BEND2: variants seen among roughly 807,000 people sequenced by gnomAD.
BEND2 encodes BEN domain containing 2, also known as BEN domain-containing protein 2.
BEND2 carries 19 observed loss-of-function variants against 43.8 expected under a neutral mutation model. That is an observed-to-expected ratio of 0.43 (90% CI 0.30 to 0.64). BEND2 has a LOEUF of 0.64. Among genes scored for constraint, BEND2 ranks in the 30% least tolerant of loss-of-function variants. The pLI is 0.11. For missense variants in BEND2, 544 were observed against 574.0 expected (o/e 0.95, Z 0.53); for synonymous variants, 226 against 210.1 (o/e 1.08, Z -0.66).
intron 4 of BEND2, 140 bp downstream of exon 4, chrX:18,212,425 T>C: frequency 2.3e-6 from 1 of 442,929 alleles, no homozygotes; most frequent in South Asian, 3.8e-5. Context: ...TCATGGGGTG[T>C]AAGTATACAC....
rs377313223 is a variant in BEND2 at position 18,203,653 on chromosome X, T to C, written c.755A>G (p.Asn252Ser). ...ESTNAVISFANATTAVPMAVL... is the reference protein window; with the variant it reads ...ESTNAVISFASATTAVPMAVL... ...TGCCATAGGTACTGCTGTAGTAGCA[T>C]TGGCAAATGAGATGACAGCATTGGT... Residue 252 changes from asparagine to serine, a missense_variant, in exon 5 of 14, where the codon AAT becomes AGT. This residue lies in a region of BEND2 where 501 missense variants were observed against 501.6 expected (regional missense o/e 1.00). Coordinates refer to ENST00000380033, the MANE Select transcript of BEND2 (RefSeq NM_153346.5). The C allele has an allele frequency of 1.7e-5, 21 of 1,210,017 alleles. No homozygotes were observed. Among genetic ancestry groups the C allele is most frequent in the East Asian group, 8.9e-5 (3 of 33,784 alleles).
rs1923788254 is a variant in BEND2, at chrX:18,165,077, C to A, written c.2332G>T (p.Val778Leu). ...TCCTGCTCCAGCTCTGGAGGGGTCA[C>A]TGCTGGAAGCGACTGAGACCTGGCT... ...AEARSQSLPAVTPPELEQESK... is the reference protein window; with the variant it reads ...AEARSQSLPALTPPELEQESK... Residue 778 changes from valine to leucine, a missense_variant, in exon 14 of 14, where the codon GTG (valine) becomes TTG (leucine). Transcript: ENST00000380033. The A allele has an allele frequency of 8.3e-7, 1 of 1,208,319 alleles. No homozygotes were observed. Among genetic ancestry groups the A allele is most frequent in the African/African-American group, 1.8e-5 (1 of 57,007 alleles).
intron 4 of BEND2, 80 bp from the exon 5 acceptor site, chrX:18,203,995 T>C: frequency 2.1e-6 from 2 of 951,942 alleles, no homozygotes; most frequent in South Asian, 3.3e-5. Flanking sequence ...AGACATACAA[T>C]CAAAACTTTT....
intron 8 of BEND2, among the ~76,000 whole-genome samples, chrX:18,190,112 T>C (rs1418133082): frequency 9.1e-6 from 1 of 110,067 alleles, no homozygotes; most frequent in Non-Finnish European, 1.9e-5. Flanking sequence ...GAATCACTCA[T>C]ACACTGCTGA....
chrX:18,187,697 C>T (rs1192554154), intron 8 of BEND2, among the ~76,000 whole-genome samples: 1 of 111,918 alleles, frequency 8.9e-6, no homozygotes, highest in Non-Finnish European at 1.9e-5. Context: ...TGCAGCTGTT[C>T]TGCAAATACC....
intron 10 of BEND2, 81 bp downstream of exon 10, chrX:18,177,488 C>A: frequency 3.1e-6 from 3 of 973,608 alleles, no homozygotes; most frequent in South Asian, 2.1e-5. Context: ...TATTGTTATT[C>A]CTTCAACTGC....
intron 6 of BEND2, among the ~76,000 whole-genome samples, chrX:18,196,250 GA>G (rs1924947278): frequency 9.4e-6 from 1 of 105,903 alleles, no homozygotes; most frequent in Non-Finnish European, 1.9e-5. Flanking sequence ...AGTAAGCCCA[GA>G]TCACACCACT....
chrX:18,176,815 AC>A (rs1924176628), intron 10 of BEND2, among the ~76,000 whole-genome samples: 1 of 111,482 alleles, frequency 9.0e-6, no homozygotes, highest in East Asian at 2.8e-4. Context: ...ACATGATTAC[AC>A]CAGGGGCTCA....
At chrX:18,208,404 T>C (rs969452871) in intron 4 of BEND2, among the ~76,000 whole-genome samples, 1 of 110,119 alleles carries the variant, frequency 9.1e-6, no homozygotes, top group Admixed American at 9.8e-5. Flanking sequence ...GGCTGAGGCT[T>C]GAATCCAGGA....
At chrX:18,212,484 T>C in intron 4 of BEND2, 81 bp downstream of exon 4, 1 of 710,877 alleles carries the variant, frequency 1.4e-6, no homozygotes, top group Non-Finnish European at 2.1e-6. Context: ...GAAATTCAAC[T>C]CCATTTTTTA....
intron 7 of BEND2, 68 bp from the exon 8 acceptor site, chrX:18,191,176 GT>G: frequency 1.2e-6 from 1 of 817,280 alleles, no homozygotes; most frequent in Non-Finnish European, 1.8e-6. Context: ...TCTCAACCAT[GT>G]TTTTTAGATC....
chrX:18,218,766 C>T (rs1208036166), intron 1 of BEND2, among the ~76,000 whole-genome samples: 1 of 111,486 alleles, frequency 9.0e-6, no homozygotes, highest in Non-Finnish European at 1.9e-5. Context: ...AGGCTGAGGC[C>T]GGAGAATCGC....
chrX:18,185,763 C>T (rs1924549282), intron 8 of BEND2, among the ~76,000 whole-genome samples: 1 of 109,935 alleles, frequency 9.1e-6, no homozygotes, highest in African/African-American at 3.3e-5. Flanking sequence ...ACCTCCAATA[C>T]GACGGGCAGC....
At chrX:18,211,837 A>G (rs1402559585) in intron 4 of BEND2, among the ~76,000 whole-genome samples, 1 of 110,462 alleles carries the variant, frequency 9.1e-6, no homozygotes, top group Non-Finnish European at 1.9e-5. Flanking sequence ...ACAGAATACC[A>G]CTCAGCAATG....
chrX:18,217,908 C>T (rs1436531536), intron 1 of BEND2, among the ~76,000 whole-genome samples: 2 of 103,579 alleles, frequency 1.9e-5, no homozygotes, highest in Admixed American at 2.1e-4. Context: ...TGGCGAAATC[C>T]TGTCTCTACC....
At chrX:18,195,592 A>G in intron 6 of BEND2, 150 bp from the exon 7 acceptor site, 1 of 543,231 alleles carries the variant, frequency 1.8e-6, no homozygotes, top group Non-Finnish European at 2.8e-6. Flanking sequence ...TTAAAGGAAA[A>G]TCTCCAGGCC....
rs146293624 is a variant in BEND2, at chrX:18,177,667, C to T, written c.1532G>A (p.Arg511His). ...KPKQAACYLV[R>H]ILFSKEILIS... The stretch of plus-strand genomic sequence containing the variant: ...CAGGATTTCCTTGGAGAACAAAATA[C>T]GAACCAAGTAGCAGGCTGCTTGCTT... Residue 511 changes from arginine to histidine, a missense_variant, in exon 10 of 14, where the codon CGT becomes CAT. By Grantham distance (29) the Arg-to-His change is conservative. Coordinates refer to ENST00000380033, the MANE Select transcript of BEND2 (RefSeq NM_153346.5). The T allele has an allele frequency of 1.7e-6, 2 of 1,208,426 alleles. No individual in the cohort carries two copies. The highest frequency in any genetic ancestry group is 1.8e-5 in the South Asian group (1 of 56,732).
intron 6 of BEND2, among the ~76,000 whole-genome samples, chrX:18,199,634 GT>G (rs35383419): frequency 2.3e-4 from 24 of 104,479 alleles, no homozygotes; most frequent in Middle Eastern, 4.9e-3. Context: ...AAAAAGCCTA[GT>G]TTTTTTTTTT....
In BEND2 at chrX:18,180,558, T is replaced by G. The variant is rs373912457; in HGVS notation, c.1381A>C (p.Ser461Arg). 2 of 1,209,840 alleles carry G rather than the reference T, an allele frequency of 1.7e-6. No homozygotes were observed. Among genetic ancestry groups the G allele is most frequent in the Non-Finnish European group, 2.2e-6 (2 of 893,645 alleles). Residue 461 changes from serine (S) to arginine (R), a missense_variant, in exon 9 of 14, where the codon AGT becomes CGT. Around this residue, in one of 2 missense-constraint regions of BEND2, gnomAD observed 501 missense variants for 501.6 expected, o/e 1.00. Transcript: ENST00000380033. Reference sequence around the variant, plus strand: ...GATGATGAGGAAGAATCCTGGCCACTGTCACTGTCCAATAAAGTTGAGCGA... The same window carrying G: ...GATGATGAGGAAGAATCCTGGCCACGGTCACTGTCCAATAAAGTTGAGCGA... ...MNRSTLLDSD[S>R]GQDSSSSSVC...
Sources: allele counts gnomAD v4.1 joint callset (sites outside exome capture counted in the v4.1 genomes callset), GRCh38; gene constraint gnomAD v4.1.1; regional missense constraint gnomAD v4.1.1; transcripts MANE v1.5; gene names NCBI Gene and HGNC (gene_info 2026-07-23, HGNC 2026-07-21).